Variants in GLIS3 observed in about 807,000 individuals in gnomAD.
GLIS3 encodes the protein GLIS family zinc finger 3.
In GLIS3, 53 loss-of-function variants were observed where a neutral mutation model predicts 78.6. The ratio of observed to expected loss-of-function variants is 0.67; its 90% CI spans 0.54 to 0.85. The LOEUF (loss-of-function observed/expected upper bound fraction) is 0.85, where lower values mean the gene tolerates loss of function less well. Ranked by LOEUF, GLIS3 falls within the 40% of genes least tolerant of loss-of-function variation. The pLI, the probability that GLIS3 is intolerant of heterozygous loss-of-function variation, is 0.00. For missense variants in GLIS3, 1,703 were observed against 1,231.1 expected, an observed-to-expected ratio of 1.38 and a Z score of -5.74; for synonymous variants, 684 against 509.9, an observed-to-expected ratio of 1.34 and a Z score of -4.60.
At chr9:3,962,420 C>A (rs1450872639) in intron 4 of GLIS3, among the ~76,000 whole-genome samples, 1 of 152,110 alleles carries the variant, frequency 6.6e-6, no homozygotes, top group Non-Finnish European at 1.5e-5. Flanking sequence ...TGCCCACACT[C>A]ATGCCTCACT....
intron 4 of GLIS3, among the ~76,000 whole-genome samples, chr9:3,955,805 C>T (rs1817061365): frequency 6.6e-6 from 1 of 151,980 alleles, no homozygotes; most frequent in East Asian, 1.9e-4. Flanking sequence ...ACACAAAGCT[C>T]TTCAGAAATT....
chr9:4,263,536 G>A lies in GLIS3; in HGVS notation c.388+22502C>T, dbSNP rs1447036128. 2.0e-5 allele frequency among the ~76,000 whole-genome samples: 3 copies of A among 152,074 alleles called. No individual in the cohort carries two copies. The East Asian group carries it at 5.8e-4, about 29-fold the overall frequency. On this transcript the variant is annotated intron_variant, in intron 2 of 10. Transcript: ENST00000381971. ...GCCAAAAAAAAAGGAGGAAATTCAG[G>A]TTTGTCAATTCATTCATTCATTCAT...
chr9:4,352,276 C>A (rs773700849), upstream of GLIS3, among the ~76,000 whole-genome samples: 1 of 152,224 alleles, frequency 6.6e-6, no homozygotes, highest in Non-Finnish European at 1.5e-5. Context: ...CAAAGTCATG[C>A]AGGAATATGG....
chr9:4,402,556 A>G, the GLIS3 span, among the ~76,000 whole-genome samples: 5 of 152,358 alleles, frequency 3.3e-5, no homozygotes, highest in Admixed American at 3.3e-4. Context: ...TTTTGAGGAA[A>G]CTTGAAGAAA....
chr9:3,913,859 C>T (rs1824310799), intron 6 of GLIS3, among the ~76,000 whole-genome samples: 1 of 152,172 alleles, frequency 6.6e-6, no homozygotes, highest in Non-Finnish European at 1.5e-5. Flanking sequence ...CTAAAACAGT[C>T]CTTCTTTTCA....
At chr9:4,450,500 C>T in the GLIS3 span, among the ~76,000 whole-genome samples, 3 of 152,018 alleles carry the variant, frequency 2.0e-5, no homozygotes, top group African/African-American at 7.3e-5. Context: ...ACAGACAATG[C>T]CACAAAGATA....
chr9:4,329,402 A>G (rs561860837), intron 2 of GLIS3, among the ~76,000 whole-genome samples: 40 of 152,242 alleles, frequency 2.6e-4, no homozygotes, highest in African/African-American at 8.7e-4. Context: ...TGACAACTGA[A>G]AAAAAAGATA....
the GLIS3 span, among the ~76,000 whole-genome samples, chr9:4,411,946 A>T: frequency 6.6e-6 from 1 of 152,386 alleles, no homozygotes; most frequent in Non-Finnish European, 1.5e-5. Flanking sequence ...AGATAAAATA[A>T]TCTGGCCTAA....
chr9:4,114,769 C>A (rs943736510), intron 4 of GLIS3, among the ~76,000 whole-genome samples: 1 of 152,014 alleles, frequency 6.6e-6, no homozygotes, highest in African/African-American at 2.4e-5. Context: ...GAGGCCAGGC[C>A]TGGAAAGAGA....
chr9:3,890,763 C>CAA (rs1418302434), intron 7 of GLIS3, among the ~76,000 whole-genome samples: 1 of 137,260 alleles, frequency 7.3e-6, no homozygotes, highest in African/African-American at 3.6e-5. Context: ...ACAACAACAA[C>CAA]ACAACAACAA....
chr9:3,909,085 C>G (rs1823951923), intron 6 of GLIS3, among the ~76,000 whole-genome samples: 1 of 152,114 alleles, frequency 6.6e-6, no homozygotes, highest in Non-Finnish European at 1.5e-5. Flanking sequence ...CAAATGCCAC[C>G]AAAATATGTT....
intron 9 of GLIS3, among the ~76,000 whole-genome samples, chr9:3,848,624 ACAAT>A (rs1819213720): frequency 6.6e-6 from 1 of 152,256 alleles, no homozygotes; most frequent in East Asian, 1.9e-4. Context: ...GTACCATTGC[ACAAT>A]CACTGTGAGT....
At chr9:3,993,091 G>GC (rs1820460854) in intron 4 of GLIS3, among the ~76,000 whole-genome samples, 1 of 152,140 alleles carries the variant, frequency 6.6e-6, no homozygotes, top group African/African-American at 2.4e-5. Context: ...GGGGAAAAAG[G>GC]TTTTTGCATT....
At chr9:4,403,112 T>C in the GLIS3 span, among the ~76,000 whole-genome samples, 2,480 of 152,244 alleles carry the variant, frequency 0.016, 71 homozygotes, top group African/African-American at 0.057. Context: ...GTCCAACATG[T>C]CTGGCAGCAA....
intron 2 of GLIS3, among the ~76,000 whole-genome samples, chr9:4,239,447 C>T (rs1823091736): frequency 6.6e-6 from 1 of 151,700 alleles, no homozygotes; most frequent in East Asian, 1.9e-4. Flanking sequence ...ACCTAGATTA[C>T]AGGCTGCAGG....
chr9:4,403,429 T>C, the GLIS3 span, among the ~76,000 whole-genome samples: 957 of 152,272 alleles, frequency 6.3e-3, 7 homozygotes, highest in Non-Finnish European at 9.6e-3. Flanking sequence ...GACACTGTAA[T>C]GGTGGTGTGT....
chr9:4,470,939 C>T, the GLIS3 span, among the ~76,000 whole-genome samples: 1 of 152,004 alleles, frequency 6.6e-6, no homozygotes, highest in Non-Finnish European at 1.5e-5. Context: ...GCAAAAATCA[C>T]AAGCATTCTT....
intron 4 of GLIS3, among the ~76,000 whole-genome samples, chr9:4,103,116 A>C (rs1180097207): frequency 6.6e-6 from 1 of 152,212 alleles, no homozygotes; most frequent in African/African-American, 2.4e-5. Flanking sequence ...GCTAAAACAC[A>C]AAGTTTTGTT....
chr9:4,200,394 T>G (rs1819266135), intron 2 of GLIS3, among the ~76,000 whole-genome samples: 3 of 151,970 alleles, frequency 2.0e-5, no homozygotes, highest in South Asian at 4.2e-4. Flanking sequence ...TAAATCAGAT[T>G]GGTAGACTAC....
Sources: allele counts gnomAD v4.1 joint callset (sites outside exome capture counted in the v4.1 genomes callset), GRCh38; gene constraint gnomAD v4.1.1; transcripts MANE v1.5; gene names NCBI Gene and HGNC (gene_info 2026-07-23, HGNC 2026-07-21).